Variants in MTIF3 observed in about 807,000 individuals in gnomAD.
MTIF3 encodes the protein mitochondrial translational initiation factor 3, also known as translation initiation factor IF-3, mitochondrial.
A neutral mutation model predicts 20.7 loss-of-function variants in MTIF3; 13 were observed. The observed-to-expected ratio is 0.63, with a 90% CI of 0.41 to 1.00. The LOEUF (loss-of-function observed/expected upper bound fraction) is 1.00. Ranked by LOEUF, MTIF3 falls within the 50% of genes least tolerant of loss-of-function variation. MTIF3 has a pLI of 0.00. For missense variants in MTIF3, 295 were observed against 324.5 expected (o/e 0.91, Z 0.70); for synonymous variants, 114 against 112.5 (o/e 1.01, Z -0.08).
intron 1 of MTIF3, among the ~76,000 whole-genome samples, chr13:27,449,091 T>TGTTA (rs1184913673): frequency 1.3e-5 from 2 of 152,318 alleles, no homozygotes; most frequent in East Asian, 3.9e-4. Context: ...GTTAATCCTA[T>TGTTA]GTTAGTCTTC....
chr13:27,443,684 A>G (rs1243384304), intron 2 of MTIF3, among the ~76,000 whole-genome samples: 1 of 152,216 alleles, frequency 6.6e-6, no homozygotes, highest in Non-Finnish European at 1.5e-5. Context: ...AATAAGAGCT[A>G]AAGTGCCTTG....
chr13:27,437,567 A>G (rs572182872), intron 3 of MTIF3, among the ~76,000 whole-genome samples: 1 of 152,218 alleles, frequency 6.6e-6, no homozygotes, highest in Non-Finnish European at 1.5e-5. Flanking sequence ...GTTTGGCTTC[A>G]TGGTGCACTT....
intron 3 of MTIF3, among the ~76,000 whole-genome samples, chr13:27,439,784 G>A (rs1953927308): frequency 6.6e-6 from 1 of 152,176 alleles, no homozygotes; most frequent in Non-Finnish European, 1.5e-5. Flanking sequence ...AATGGGCAGG[G>A]TATTGTGGAA....
At chr13:27,444,729 T>C (rs749454948) in intron 2 of MTIF3, among the ~76,000 whole-genome samples, 37 of 152,350 alleles carry the variant, frequency 2.4e-4, no homozygotes, top group Non-Finnish European at 4.9e-4. Flanking sequence ...TCCTACTTTT[T>C]CAGGAAATAG....
intron 2 of MTIF3, among the ~76,000 whole-genome samples, chr13:27,442,580 ACTT>A (rs1385302741): frequency 1.3e-5 from 2 of 152,106 alleles, no homozygotes; most frequent in Non-Finnish European, 2.9e-5. Context: ...TGCCGACCGT[ACTT>A]CTTCTGGCTC....
intron 1 of MTIF3, among the ~76,000 whole-genome samples, chr13:27,449,428 C>T (rs1326283907): frequency 6.6e-6 from 1 of 152,242 alleles, no homozygotes; most frequent in Non-Finnish European, 1.5e-5. Context: ...TACACCTTCG[C>T]CAGGCCAAAA....
At chr13:27,442,351 C>G (rs543154388) in intron 2 of MTIF3, among the ~76,000 whole-genome samples, 1 of 152,202 alleles carries the variant, frequency 6.6e-6, no homozygotes, top group African/African-American at 2.4e-5. Flanking sequence ...ACCGCCGCGC[C>G]GCTCAACTGC....
chr13:27,447,446 G>T (rs529994994), intron 1 of MTIF3, among the ~76,000 whole-genome samples: 1 of 152,078 alleles, frequency 6.6e-6, no homozygotes, highest in South Asian at 2.1e-4. Flanking sequence ...TAATCCTGTT[G>T]CATTTGCTGC....
intron 4 of MTIF3, 28 bp downstream of exon 4, chr13:27,437,088 A>T (rs1359152387): frequency 6.2e-7 from 1 of 1,606,348 alleles, no homozygotes; most frequent in Non-Finnish European, 8.5e-7. Flanking sequence ...CCAAAGCACA[A>T]GCAGTGGCTT....
intron 1 of MTIF3, among the ~76,000 whole-genome samples, chr13:27,447,551 A>G (rs1334050167): frequency 3.3e-5 from 5 of 152,202 alleles, no homozygotes; most frequent in Non-Finnish European, 7.3e-5. Context: ...ACTTTATAGT[A>G]TGATATCCAT....
chr13:27,441,854 C>T (rs1954012424), intron 2 of MTIF3, among the ~76,000 whole-genome samples: 3 of 152,230 alleles, frequency 2.0e-5, no homozygotes, highest in Non-Finnish European at 4.4e-5. Flanking sequence ...GAAGTTCCCT[C>T]TGGTCCCTGG....
At chr13:27,448,853 A>G (rs1225202919) in intron 1 of MTIF3, among the ~76,000 whole-genome samples, 1 of 152,136 alleles carries the variant, frequency 6.6e-6, no homozygotes, top group Non-Finnish European at 1.5e-5. Flanking sequence ...AGCCTGGCCG[A>G]CATGGTGAAA....
rs116480796 is a variant in MTIF3 at position 27,439,474 on chromosome 13, C to T, written c.460+515G>A. Among the ~76,000 whole-genome samples, 1,275 of 152,192 alleles carry T rather than the reference C, an allele frequency of 8.4e-3. 19 individuals are homozygous for T. Among genetic ancestry groups the T allele is most frequent in the Middle Eastern group, 0.017 (5 of 294 alleles). On this transcript the variant is annotated intron_variant, in intron 3 of 4. Coordinates refer to ENST00000381120, the MANE Select transcript of MTIF3 (RefSeq NM_152912.5). The stretch of plus-strand genomic sequence containing the variant: ...TCGCACCACTGCACTCCAGCCTGGG[C>T]GGCAGGCAGAGACTCATCTCAAAAA...
chr13:27,439,453 ACCACTGCACTCCAGC>A lies in MTIF3; in HGVS notation c.460+521_460+535del, dbSNP rs542872617. ...GAAGGTTGCAGTGAGCACACATCGC[ACCACTGCACTCCAGC>A]CTGGGCGGCAGGCAGAGACTCATCT... On this transcript the variant is annotated intron_variant, in intron 3 of 4. Coordinates refer to ENST00000381120, the MANE Select transcript of MTIF3 (RefSeq NM_152912.5). 1.2e-4 allele frequency among the ~76,000 whole-genome samples: 19 copies of A among 152,316 alleles called. No homozygotes were observed. In the East Asian group the frequency reaches 3.7e-3, roughly 29 times the overall value.
intron 3 of MTIF3, among the ~76,000 whole-genome samples, chr13:27,439,225 G>C (rs1403902957): frequency 6.6e-6 from 1 of 152,212 alleles, no homozygotes; most frequent in African/African-American, 2.4e-5. Flanking sequence ...GCTAGGCGCA[G>C]TGGATCACGC....
intron 3 of MTIF3, among the ~76,000 whole-genome samples, chr13:27,438,206 G>T (rs938545560): frequency 6.6e-6 from 1 of 151,552 alleles, no homozygotes; most frequent in African/African-American, 2.4e-5. Context: ...AAAGATTGGG[G>T]GCCAGGTGTG....
At chr13:27,440,680 G>A (rs941632456) in intron 2 of MTIF3, among the ~76,000 whole-genome samples, 1 of 151,892 alleles carries the variant, frequency 6.6e-6, no homozygotes, top group Non-Finnish European at 1.5e-5. Context: ...CCCAAGACAA[G>A]TGGCTATTAG....
intron 1 of MTIF3, among the ~76,000 whole-genome samples, chr13:27,445,517 A>G (rs1954154357): frequency 1.3e-5 from 2 of 152,076 alleles, no homozygotes; most frequent in Admixed American, 6.6e-5. Flanking sequence ...AACCCCAACG[A>G]AACTACTGAT....
At chr13:27,438,494 T>TTG (rs1397251439) in intron 3 of MTIF3, among the ~76,000 whole-genome samples, 17 of 142,652 alleles carry the variant, frequency 1.2e-4, no homozygotes, top group African/African-American at 4.6e-4. Context: ...TTTTTTTTTT[T>TTG]TTTTTTTTTT....
Sources: allele counts gnomAD v4.1 joint callset (sites outside exome capture counted in the v4.1 genomes callset), GRCh38; gene constraint gnomAD v4.1.1; transcripts MANE v1.5; gene names NCBI Gene and HGNC (gene_info 2026-07-23, HGNC 2026-07-21).